The following CEP63 variants were observed in gnomAD, a reference collection of about 807,000 sequenced individuals.
The protein encoded by CEP63 is centrosomal protein 63.
A neutral mutation model predicts 89.1 loss-of-function variants in CEP63; 84 were observed. The ratio of observed to expected loss-of-function variants is 0.94; its 90% CI spans 0.79 to 1.13. CEP63 has a LOEUF of 1.13. Ranked by LOEUF, CEP63 falls within the 50% of genes most tolerant of loss-of-function variation. The probability of loss-of-function intolerance (pLI) is 0.00; values close to 1 mark genes in which losing one functional copy is unlikely to be tolerated. For synonymous variants in CEP63, 267 were observed against 272.5 expected, an observed-to-expected ratio of 0.98 and a Z score of 0.20; for missense variants, 838 against 813.3, an observed-to-expected ratio of 1.03 and a Z score of -0.37.
At chr3:134,756,594 T>C in the CEP63 span, among the ~76,000 whole-genome samples, 3 of 152,302 alleles carry the variant, frequency 2.0e-5, no homozygotes, top group South Asian at 4.1e-4. Flanking sequence ...GCTCAAGTGA[T>C]CTGCCCACCT....
chr3:134,579,259 G>A (rs988855801), downstream of CEP63, among the ~76,000 whole-genome samples: 1 of 152,220 alleles, frequency 6.6e-6, no homozygotes, highest in Non-Finnish European at 1.5e-5. Flanking sequence ...TGTTGTCCTT[G>A]GGGTAGGTTT....
chr3:134,731,424 C>T, the CEP63 span, among the ~76,000 whole-genome samples: 1 of 152,012 alleles, frequency 6.6e-6, no homozygotes, highest in East Asian at 1.9e-4. Flanking sequence ...TATTTGATCC[C>T]AATGCAATAA....
chr3:134,507,395 A>G, intron 3 of CEP63, 109 bp downstream of exon 3: 3 of 766,676 alleles, frequency 3.9e-6, no homozygotes, highest in Non-Finnish European at 6.4e-6. Flanking sequence ...AAGTTAGTTT[A>G]TTGTTTTTTA....
chr3:134,653,951 A>T, the CEP63 span, among the ~76,000 whole-genome samples: 3 of 152,188 alleles, frequency 2.0e-5, no homozygotes, highest in Non-Finnish European at 4.4e-5. Context: ...GACCTAAATA[A>T]TTAATCTGCA....
chr3:134,625,410 G>A, the CEP63 span, among the ~76,000 whole-genome samples: 2 of 152,328 alleles, frequency 1.3e-5, no homozygotes, highest in African/African-American at 2.4e-5. Context: ...AGTAGGAAAC[G>A]GGCTTAACCT....
At chr3:134,726,267 G>A in the CEP63 span, among the ~76,000 whole-genome samples, 1 of 152,068 alleles carries the variant, frequency 6.6e-6, no homozygotes, top group Admixed American at 6.5e-5. Flanking sequence ...CCTCGTGCCG[G>A]CCTCAGGCCT....
the CEP63 span, among the ~76,000 whole-genome samples, chr3:134,752,669 G>A: frequency 1.3e-5 from 2 of 152,198 alleles, no homozygotes; most frequent in Non-Finnish European, 2.9e-5. Context: ...CTGACACCGA[G>A]TGGGCAAAGC....
the CEP63 span, chr3:134,610,311 G>C: frequency 6.2e-7 from 1 of 1,613,886 alleles, no homozygotes; most frequent in Non-Finnish European, 8.5e-7. Flanking sequence ...ACTCCCCCGA[G>C]AAGCTCTGCC....
the CEP63 span, chr3:134,640,035 A>G: frequency 6.5e-6 from 1 of 154,630 alleles, no homozygotes. Flanking sequence ...AATTCATTCA[A>G]CCCACACACC....
chr3:134,697,183 A>G, the CEP63 span, among the ~76,000 whole-genome samples: 1 of 152,254 alleles, frequency 6.6e-6, no homozygotes, highest in Admixed American at 6.5e-5. Context: ...CTCCTGTGAG[A>G]CAGGGAATGG....
the CEP63 span, among the ~76,000 whole-genome samples, chr3:134,635,061 G>T: frequency 6.6e-6 from 1 of 152,176 alleles, no homozygotes; most frequent in Non-Finnish European, 1.5e-5. Flanking sequence ...TTATCCCAGA[G>T]AAATGAAAAC....
Position 134,529,026 on chromosome 3 carries a change from A to G in CEP63, c.223-2819A>G, listed in dbSNP as rs141505975. 3.2e-3 allele frequency among the ~76,000 whole-genome samples: 492 copies of G among 152,320 alleles called. 4 individuals carry two copies. The highest frequency in any genetic ancestry group is 0.011 in the African/African-American group (453 of 41,574). On this transcript the variant is annotated intron_variant, in intron 3 of 14. Coordinates refer to ENST00000675561, the MANE Select transcript of CEP63 (RefSeq NM_001353108.3). ...GGAGAAAATTTAGAAAAGACCAACT[A>G]TGAAGCAAAACATAATCATAATACC...
At chr3:134,541,536 A>G (rs1306393640) in intron 6 of CEP63, among the ~76,000 whole-genome samples, 1 of 126,298 alleles carries the variant, frequency 7.9e-6, no homozygotes, top group Non-Finnish European at 1.6e-5. Context: ...TTTTTTTGAG[A>G]CGGATTTTCG....
intron 3 of CEP63, among the ~76,000 whole-genome samples, chr3:134,513,187 C>T (rs1334528360): frequency 2.0e-5 from 3 of 152,228 alleles, no homozygotes; most frequent in East Asian, 3.9e-4. Flanking sequence ...TGGAGGTTTT[C>T]TGTGCTCCTC....
chr3:134,693,805 C>A, the CEP63 span, among the ~76,000 whole-genome samples: 1 of 152,210 alleles, frequency 6.6e-6, no homozygotes, highest in East Asian at 1.9e-4. Context: ...TGTCCTTTGG[C>A]TGCTCTCCAC....
At chr3:134,559,654 G>A (rs1956988025) in intron 14 of CEP63, among the ~76,000 whole-genome samples, 1 of 152,110 alleles carries the variant, frequency 6.6e-6, no homozygotes, top group Non-Finnish European at 1.5e-5. Flanking sequence ...GTATTCATTT[G>A]TCTTTAACCC....
downstream of CEP63, among the ~76,000 whole-genome samples, chr3:134,565,979 G>A (rs1957741215): frequency 6.6e-6 from 1 of 152,154 alleles, no homozygotes; most frequent in Admixed American, 6.6e-5. Flanking sequence ...AGAGGAAACT[G>A]TTCTGAGAGG....
At chr3:134,620,260 C>T in the CEP63 span, among the ~76,000 whole-genome samples, 18 of 152,286 alleles carry the variant, frequency 1.2e-4, no homozygotes, top group East Asian at 3.9e-4. Context: ...TTGGAGACTG[C>T]GCTGGGACCA....
chr3:134,547,610 A>ATTTTTTTTTTT, intron 9 of CEP63, 138 bp downstream of exon 9: 5 of 226,792 alleles, frequency 2.2e-5, no homozygotes, highest in East Asian at 1.1e-4. Flanking sequence ...CTAAGTTCTT[A>ATTTTTTTTTTT]TTTCTTTTTT....
Sources: gnomAD v4.1 joint callset for allele counts (sites outside exome capture counted in the v4.1 genomes callset) on GRCh38, gnomAD v4.1.1 for gene constraint, MANE v1.5 for transcripts, NCBI Gene and HGNC (gene_info 2026-07-23, HGNC 2026-07-21) for gene names.